Variants in IL18R1 observed in about 807,000 individuals in gnomAD.
IL18R1 encodes the protein interleukin-18 receptor 1.
In IL18R1, 40 loss-of-function variants were observed where a neutral mutation model predicts 48.5. The observed-to-expected ratio is 0.82, with a 90% CI of 0.64 to 1.07. IL18R1 has a LOEUF of 1.07. Among genes scored for constraint, IL18R1 ranks in the 50% least tolerant of loss-of-function variants. IL18R1 has a pLI of 0.00. For synonymous variants in IL18R1, 232 were observed against 225.9 expected (o/e 1.03, Z -0.24); for missense variants, 596 against 633.7 (o/e 0.94, Z 0.64).
intron 4 of IL18R1, chr2:102,373,837 A>T (rs927277563): frequency 9.7e-6 from 2 of 206,048 alleles, no homozygotes; most frequent in Admixed American, 9.8e-5. Flanking sequence ...CACAGGAGTA[A>T]GAACCCTATT....
chr2:102,393,495 G>A (rs1370766367), intron 9 of IL18R1, among the ~76,000 whole-genome samples: 1 of 152,206 alleles, frequency 6.6e-6, no homozygotes, highest in Admixed American at 6.5e-5. Flanking sequence ...GTTGTTTGGT[G>A]ACCATGAGTG....
chr2:102,392,217 G>T lies in IL18R1; in HGVS notation c.1111+2000G>T, dbSNP rs189626611. 2.0e-3 allele frequency among the ~76,000 whole-genome samples: 299 copies of T among 152,214 alleles called. 1 individual carries two copies. The highest frequency in any genetic ancestry group is 5.8e-3 in the African/African-American group (241 of 41,526). On this transcript the variant is annotated intron_variant, in intron 9 of 10. Coordinates refer to ENST00000233957, the MANE Select transcript of IL18R1 (RefSeq NM_003855.5). ...AATTGAACAACATAAAATTAGCAAGGTTAGTGAATTTAGCTTTGAGCCTGC... is the reference window on the plus strand; with the variant it reads ...AATTGAACAACATAAAATTAGCAAGTTTAGTGAATTTAGCTTTGAGCCTGC...
intron 1 of IL18R1, among the ~76,000 whole-genome samples, chr2:102,361,247 TG>T (rs1678555933): frequency 6.6e-6 from 1 of 152,112 alleles, no homozygotes; most frequent in African/African-American, 2.4e-5. Context: ...GTGGAGGTAG[TG>T]GGGGAGGTTT....
At chr2:102,363,639 A>C (rs1235599203) in intron 2 of IL18R1, among the ~76,000 whole-genome samples, 3 of 152,172 alleles carry the variant, frequency 2.0e-5, no homozygotes, top group Non-Finnish European at 2.9e-5. Context: ...TCCTCATTAT[A>C]ATGAGAGCAT....
chr2:102,384,773 G>GCAC (rs1680126054), intron 6 of IL18R1, 105 bp from the exon 7 acceptor site: 2 of 1,226,046 alleles, frequency 1.6e-6, no homozygotes, highest in Non-Finnish European at 2.3e-6. Flanking sequence ...CTGGGATGGA[G>GCAC]CACCACGTTT....
At chr2:102,390,303 T>C in intron 9 of IL18R1, 86 bp downstream of exon 9, 1 of 1,241,786 alleles carries the variant, frequency 8.1e-7, no homozygotes, top group Non-Finnish European at 1.2e-6. Flanking sequence ...CTTATTGTGA[T>C]GATATTGTAG....
At chr2:102,389,397 T>G (rs1680432695) in intron 8 of IL18R1, among the ~76,000 whole-genome samples, 1 of 152,202 alleles carries the variant, frequency 6.6e-6, no homozygotes, top group Admixed American at 6.5e-5. Flanking sequence ...TTGTCCATAA[T>G]AAACATAAAC....
chr2:102,373,586 A>G (rs1337751301), intron 4 of IL18R1, among the ~76,000 whole-genome samples: 2 of 151,166 alleles, frequency 1.3e-5, no homozygotes, highest in East Asian at 2.0e-4. Flanking sequence ...CATTCTCCAC[A>G]TATACCCCAG....
chr2:102,357,423 A>T (rs1458574863), intron 1 of IL18R1, among the ~76,000 whole-genome samples: 1 of 151,632 alleles, frequency 6.6e-6, no homozygotes, highest in Admixed American at 6.6e-5. Context: ...CCTGGGAGGC[A>T]GAGGTTGCAG....
intron 2 of IL18R1, among the ~76,000 whole-genome samples, chr2:102,365,925 T>C (rs1298064391): frequency 6.6e-6 from 1 of 152,180 alleles, no homozygotes; most frequent in Non-Finnish European, 1.5e-5. Flanking sequence ...ATCCCTAGGC[T>C]GCACACAGAA....
At chr2:102,368,517 C>T (rs957846570) in intron 3 of IL18R1, among the ~76,000 whole-genome samples, 1 of 152,110 alleles carries the variant, frequency 6.6e-6, no homozygotes, top group East Asian at 1.9e-4. Context: ...GTCCAGTCTG[C>T]AGGGGCTCAC....
At chr2:102,372,446 T>C (rs2105064213) in intron 4 of IL18R1, among the ~76,000 whole-genome samples, 2 of 152,370 alleles carry the variant, frequency 1.3e-5, no homozygotes, top group Middle Eastern at 6.8e-3. Flanking sequence ...TTTTCTCCTG[T>C]CACATGTACT....
At chr2:102,369,052 A>G (rs548602599) in intron 3 of IL18R1, among the ~76,000 whole-genome samples, 31 of 152,326 alleles carry the variant, frequency 2.0e-4, no homozygotes, top group African/African-American at 7.2e-4. Flanking sequence ...TCTTTTGATA[A>G]AAATCAGTAC....
At chr2:102,364,078 G>A (rs550517564) in intron 2 of IL18R1, among the ~76,000 whole-genome samples, 2 of 152,288 alleles carry the variant, frequency 1.3e-5, no homozygotes, top group South Asian at 4.1e-4. Flanking sequence ...GGGGGGTGGT[G>A]TGGACTTTCA....
chr2:102,393,572 G>T (rs1431387261), intron 9 of IL18R1, among the ~76,000 whole-genome samples: 1 of 152,170 alleles, frequency 6.6e-6, no homozygotes, highest in Non-Finnish European at 1.5e-5. Flanking sequence ...CATAGATCTA[G>T]AATGGTTTTA....
rs2105063125 is a variant in IL18R1 at position 102,372,101 on chromosome 2, A to G, written c.451A>G (p.Ser151Gly). ...ENSYYQTLVN[S>G]TSLYKNCKKL... Reference sequence around the variant, plus strand: ...CAGTTACTATCAAACACTGGTCAACAGCACATCATTGTATAAGGTAATGCT... The same window carrying G: ...CAGTTACTATCAAACACTGGTCAACGGCACATCATTGTATAAGGTAATGCT... The change falls in exon 4 of 11, where the codon AGC becomes GGC. Residue 151 changes from serine to glycine, a missense_variant. Ser to Gly is a moderately conservative substitution (Grantham distance 56). Around this residue, in one of 3 missense-constraint regions of IL18R1, gnomAD observed 360 missense variants for 339.4 expected, o/e 1.06. Transcript: ENST00000233957. The G allele has an allele frequency of 1.9e-6, 3 of 1,598,588 alleles. No homozygotes were observed. The highest frequency in any genetic ancestry group is 2.6e-6 in the Non-Finnish European group (3 of 1,176,128).
intron 1 of IL18R1, 97 bp downstream of exon 1, chr2:102,356,497 TAAG>T (rs1678260038): frequency 6.1e-6 from 1 of 163,686 alleles, no homozygotes; most frequent in African/African-American, 2.4e-5. Flanking sequence ...CAAGATCAAT[TAAG>T]AGAGAGAGAG....
intron 6 of IL18R1, 97 bp from the exon 7 acceptor site, chr2:102,384,781 T>G: frequency 7.3e-7 from 1 of 1,368,942 alleles, no homozygotes; most frequent in East Asian, 2.5e-5. Context: ...GAGCACCACG[T>G]TTTGCTTTAG....
intron 1 of IL18R1, among the ~76,000 whole-genome samples, chr2:102,357,181 A>G (rs1402239729): frequency 2.0e-5 from 3 of 152,180 alleles, no homozygotes; most frequent in African/African-American, 2.4e-5. Context: ...ATATACATCC[A>G]AAGGCTGAGA....
Sources: allele counts gnomAD v4.1 joint callset (sites outside exome capture counted in the v4.1 genomes callset), GRCh38; gene constraint gnomAD v4.1.1; regional missense constraint gnomAD v4.1.1; transcripts MANE v1.5; gene names NCBI Gene and HGNC (gene_info 2026-07-23, HGNC 2026-07-21).